The following FSTL4 variants were observed in gnomAD, a reference collection of about 807,000 sequenced individuals.
FSTL4 encodes the protein follistatin like 4.
In FSTL4, 28 loss-of-function variants were observed where a neutral mutation model predicts 78.2. That is an observed-to-expected ratio of 0.36 (90% confidence interval 0.27 to 0.49). The LOEUF is 0.49. FSTL4 is among the 20% of genes least tolerant of loss of function. FSTL4 has a pLI of 0.98. For synonymous variants in FSTL4, 422 were observed against 440.5 expected, an observed-to-expected ratio of 0.96 and a Z score of 0.53; for missense variants, 922 against 1,084.9, an observed-to-expected ratio of 0.85 and a Z score of 2.11.
intron 3 of FSTL4, among the ~76,000 whole-genome samples, chr5:133,506,830 G>T (rs1758620993): frequency 6.6e-6 from 1 of 152,210 alleles, no homozygotes; most frequent in Non-Finnish European, 1.5e-5. Context: ...AATATTTGTT[G>T]GAGGAATGAC....
intron 3 of FSTL4, among the ~76,000 whole-genome samples, chr5:133,447,484 A>G (rs551813146): frequency 2.8e-4 from 42 of 152,218 alleles, no homozygotes; most frequent in Non-Finnish European, 4.3e-4. Flanking sequence ...CTCGAATTCC[A>G]TAAAGTTCAC....
At chr5:133,408,028 A>C (rs1756400889) in intron 3 of FSTL4, among the ~76,000 whole-genome samples, 1 of 152,184 alleles carries the variant, frequency 6.6e-6, no homozygotes, top group Admixed American at 6.5e-5. Context: ...AGAAAACCAC[A>C]AACTTTCGGG....
the FSTL4 span, among the ~76,000 whole-genome samples, chr5:133,620,246 T>G: frequency 6.6e-6 from 1 of 152,216 alleles, no homozygotes; most frequent in African/African-American, 2.4e-5. Flanking sequence ...TTTCTATGTT[T>G]TGTTTATAAA....
At chr5:133,713,130 CCA>C in the FSTL4 span, among the ~76,000 whole-genome samples, 4 of 151,818 alleles carry the variant, frequency 2.6e-5, no homozygotes, top group East Asian at 7.7e-4. Context: ...GGTACAAAAC[CCA>C]TAGTGAAAGG....
chr5:133,400,911 C>G lies in FSTL4; in HGVS notation c.236G>C (p.Ser79Thr). 6.2e-7 allele frequency: 1 copy of G among 1,613,782 alleles called. No homozygotes were observed. The highest frequency in any genetic ancestry group is 8.5e-7 in the Non-Finnish European group (1 of 1,180,042). The change falls in exon 4 of 16, where the codon AGC becomes ACC. Residue 79 changes from serine to threonine, a missense_variant. By Grantham distance (58) the Ser-to-Thr change is moderately conservative. Coordinates refer to ENST00000265342, the MANE Select transcript of FSTL4 (RefSeq NM_015082.2). ...FCSRGSRCVL[S>T]RKTGEPECQC... ...GCATTCGGGCTCCCCTGTCTTCCTG[C>G]TGAGCACGCACCGGCTCCCTCGGCT... is the stretch of plus-strand genomic sequence containing the variant.
chr5:133,833,754 T>C, the FSTL4 span, among the ~76,000 whole-genome samples: 1 of 152,226 alleles, frequency 6.6e-6, no homozygotes, highest in Non-Finnish European at 1.5e-5. Context: ...ATGTCCCTTG[T>C]CCTTTCTGGG....
At chr5:133,704,964 CAT>C in the FSTL4 span, among the ~76,000 whole-genome samples, 12 of 152,242 alleles carry the variant, frequency 7.9e-5, no homozygotes, top group Non-Finnish European at 1.8e-4. Flanking sequence ...GGTGACAAGA[CAT>C]TTCTTCCATG....
At chr5:133,302,664 G>A (rs1156464380) in intron 6 of FSTL4, among the ~76,000 whole-genome samples, 2 of 152,160 alleles carry the variant, frequency 1.3e-5, no homozygotes, top group South Asian at 2.1e-4. Context: ...AAACCGAGGG[G>A]TGACTGCAGG....
At chr5:133,733,612 A>G in the FSTL4 span, among the ~76,000 whole-genome samples, 1 of 152,266 alleles carries the variant, frequency 6.6e-6, no homozygotes, top group Non-Finnish European at 1.5e-5. Flanking sequence ...TGAAAAAATA[A>G]TAATAAAAGG....
At chr5:133,746,172 G>C in the FSTL4 span, among the ~76,000 whole-genome samples, 1 of 152,230 alleles carries the variant, frequency 6.6e-6, no homozygotes, top group African/African-American at 2.4e-5. Flanking sequence ...CTTTGTCCTA[G>C]AGGATGTCTT....
At chr5:133,499,223 A>G (rs970506211) in intron 3 of FSTL4, among the ~76,000 whole-genome samples, 38 of 152,212 alleles carry the variant, frequency 2.5e-4, no homozygotes, top group African/African-American at 9.1e-4. Context: ...ATCCCTGTCT[A>G]ATGTCCTGGG....
At chr5:133,312,231 C>A (rs1231461711) in intron 6 of FSTL4, among the ~76,000 whole-genome samples, 2 of 152,152 alleles carry the variant, frequency 1.3e-5, no homozygotes, top group Non-Finnish European at 2.9e-5. Flanking sequence ...TGCTCCCTGC[C>A]GCTGCATGGC....
chr5:133,354,805 G>GC (rs1461497163), intron 4 of FSTL4, among the ~76,000 whole-genome samples: 1 of 152,242 alleles, frequency 6.6e-6, no homozygotes, highest in Non-Finnish European at 1.5e-5. Context: ...CACACCTGCA[G>GC]CCCCGGGAGC....
At chr5:133,775,683 C>T in the FSTL4 span, among the ~76,000 whole-genome samples, 1 of 152,178 alleles carries the variant, frequency 6.6e-6, no homozygotes. Context: ...GTGACTTAGA[C>T]TCCTGTGGTA....
At chr5:133,632,868 T>G in the FSTL4 span, among the ~76,000 whole-genome samples, 1 of 152,098 alleles carries the variant, frequency 6.6e-6, no homozygotes, top group Non-Finnish European at 1.5e-5. Flanking sequence ...TTTTGTATTT[T>G]TGTAGAGATG....
chr5:133,415,431 A>C (rs1756558442), intron 3 of FSTL4, among the ~76,000 whole-genome samples: 1 of 152,268 alleles, frequency 6.6e-6, no homozygotes, highest in African/African-American at 2.4e-5. Context: ...TGAGCAGGTC[A>C]CATTAACCAA....
At chr5:133,580,902 C>T (rs750698863) in intron 2 of FSTL4, among the ~76,000 whole-genome samples, 8 of 152,170 alleles carry the variant, frequency 5.3e-5, no homozygotes, top group Admixed American at 6.5e-5. Flanking sequence ...TCTCCACACC[C>T]GCCTCCTTCA....
intron 3 of FSTL4, among the ~76,000 whole-genome samples, chr5:133,402,798 C>T (rs1756264811): frequency 1.3e-5 from 2 of 152,168 alleles, no homozygotes. Context: ...TATCTCTGAG[C>T]AGTATAAAAG....
the FSTL4 span, among the ~76,000 whole-genome samples, chr5:133,681,687 AC>A: frequency 6.6e-6 from 1 of 151,964 alleles, no homozygotes; most frequent in South Asian, 2.1e-4. Flanking sequence ...GAGGAATTGG[AC>A]CCCCCATGAG....
Sources: allele counts gnomAD v4.1 joint callset (sites outside exome capture counted in the v4.1 genomes callset), GRCh38; gene constraint gnomAD v4.1.1; transcripts MANE v1.5; gene names NCBI Gene and HGNC (gene_info 2026-07-23, HGNC 2026-07-21).